SPIDR: variants seen among roughly 807,000 people sequenced by gnomAD.
SPIDR encodes the protein scaffold protein involved in DNA repair, also known as DNA repair-scaffolding protein.
A neutral mutation model predicts 104.6 loss-of-function variants in SPIDR; 93 were observed. That is an observed-to-expected ratio of 0.89 (90% confidence interval 0.75 to 1.06). SPIDR has a LOEUF of 1.06. Among genes scored for constraint, SPIDR ranks in the 50% least tolerant of loss-of-function variants. The pLI is 0.00. For synonymous variants in SPIDR, 431 were observed against 416.9 expected (o/e 1.03, Z -0.41); for missense variants, 1,154 against 1,111.2 (o/e 1.04, Z -0.55).
Position 47,627,269 on chromosome 8 carries a change from A to G in SPIDR, c.1544+28073A>G, listed in dbSNP as rs201324103. Among the ~76,000 whole-genome samples, 38 of 152,318 alleles carry G rather than the reference A, an allele frequency of 2.5e-4. No homozygotes were observed. In the East Asian group the frequency reaches 5.4e-3, roughly 22 times the overall value. Reference sequence around the variant, plus strand: ...GGCGGGAGCGGGGAGGGATAGCATTAGGAGATATACCTAATGCTAAATGAC... The same window carrying G: ...GGCGGGAGCGGGGAGGGATAGCATTGGGAGATATACCTAATGCTAAATGAC... On this transcript the variant is annotated intron_variant, in intron 10 of 19. Coordinates refer to ENST00000297423, the MANE Select transcript of SPIDR (RefSeq NM_001080394.4).
chr8:47,473,815 G>C (rs533332711), intron 8 of SPIDR, among the ~76,000 whole-genome samples: 25 of 152,314 alleles, frequency 1.6e-4, no homozygotes, highest in African/African-American at 5.5e-4. Flanking sequence ...TGAGGAACCA[G>C]GAGGAGGATG....
chr8:47,267,423 T>G (rs2034331627), intron 1 of SPIDR, among the ~76,000 whole-genome samples: 1 of 152,268 alleles, frequency 6.6e-6, no homozygotes, highest in African/African-American at 2.4e-5. Context: ...GTTTACATTT[T>G]GGATAACTGT....
In SPIDR at chr8:47,400,717, C is replaced by T. The variant is rs190838215; in HGVS notation, c.776+4091C>T. On this transcript the variant is annotated intron_variant, in intron 6 of 19. Transcript: ENST00000297423. ...TTTAAATTTGTGGAACTATTCAAAGCATAAGTAACAAACACCAATGCAAAA... is the reference window on the plus strand; with the variant it reads ...TTTAAATTTGTGGAACTATTCAAAGTATAAGTAACAAACACCAATGCAAAA... 2.7e-5 allele frequency among the ~76,000 whole-genome samples: 4 copies of T among 147,426 alleles called. No homozygotes were observed. In the East Asian group the frequency reaches 6.0e-4, roughly 22 times the overall value.
intron 10 of SPIDR, among the ~76,000 whole-genome samples, chr8:47,602,006 C>T (rs1660675684): frequency 6.6e-6 from 1 of 152,216 alleles, no homozygotes; most frequent in African/African-American, 2.4e-5. Context: ...ACTTTATTCA[C>T]TACTAATTCT....
intron 5 of SPIDR, among the ~76,000 whole-genome samples, chr8:47,337,102 A>G (rs541778959): frequency 1.5e-4 from 23 of 152,010 alleles, no homozygotes; most frequent in Middle Eastern, 3.4e-3. Flanking sequence ...CCATTTTTCA[A>G]TTGGCTTGTG....
intron 8 of SPIDR, among the ~76,000 whole-genome samples, chr8:47,452,740 C>T (rs1396501866): frequency 6.6e-6 from 1 of 152,078 alleles, no homozygotes; most frequent in Admixed American, 6.5e-5. Flanking sequence ...TTATGACAGA[C>T]CCACAGCCAA....
chr8:47,388,866 T>C (rs1013272666), intron 5 of SPIDR, among the ~76,000 whole-genome samples: 2 of 152,228 alleles, frequency 1.3e-5, no homozygotes, highest in Admixed American at 6.5e-5. Context: ...CTTTATGGTT[T>C]TGAGAAATTG....
chr8:47,279,858 A>T lies in SPIDR; in HGVS notation c.34-4A>T. The T allele has an allele frequency of 1.3e-6, 2 of 1,599,780 alleles. No homozygotes were observed. Among genetic ancestry groups the T allele is most frequent in the Non-Finnish European group, 1.7e-6 (2 of 1,172,728 alleles). On this transcript the variant is annotated splice_region_variant and splice_polypyrimidine_tract_variant and intron_variant, in intron 1 of 19. Transcript: ENST00000297423. ...GATTTTTCTTTTAAAAATCATCTCC[A>T]CAGAGAAAAAGGAGTTGGAATACAG... is the stretch of plus-strand genomic sequence containing the variant.
intron 8 of SPIDR, chr8:47,511,494 C>G (rs561275706): frequency 1.5e-5 from 12 of 778,534 alleles, no homozygotes; most frequent in Admixed American, 6.8e-5. Flanking sequence ...CTGCTGGCAC[C>G]TCCCTTCTGT....
At chr8:47,404,955 A>G (rs959365855) in intron 6 of SPIDR, among the ~76,000 whole-genome samples, 5 of 152,192 alleles carry the variant, frequency 3.3e-5, no homozygotes, top group East Asian at 3.8e-4. Context: ...AACCAGCCCA[A>G]ATGTCCTTCA....
In SPIDR at chr8:47,278,522, C is replaced by T. The variant is rs1050423984; in HGVS notation, c.34-1340C>T. Among the ~76,000 whole-genome samples, 4 of 152,018 alleles carry T rather than the reference C, an allele frequency of 2.6e-5. 1 individual carries two copies. Among genetic ancestry groups the T allele is most frequent in the South Asian group, 4.2e-4 (2 of 4,810 alleles). On this transcript the variant is annotated intron_variant, in intron 1 of 19. Coordinates refer to ENST00000297423, the MANE Select transcript of SPIDR (RefSeq NM_001080394.4). ...AATTTGTAGACATGGGGTCTCACGA[C>T]GTTGCCTAGGCTGCTGACTAATTTT...
intron 10 of SPIDR, among the ~76,000 whole-genome samples, chr8:47,617,136 C>T (rs1363420691): frequency 6.6e-6 from 1 of 152,130 alleles, no homozygotes; most frequent in Non-Finnish European, 1.5e-5. Context: ...ATACTATCAA[C>T]ATGATGTATC....
chr8:47,730,713 C>A (rs1056357979), intron 19 of SPIDR, among the ~76,000 whole-genome samples: 1 of 152,186 alleles, frequency 6.6e-6, no homozygotes, highest in Non-Finnish European at 1.5e-5. Context: ...TCCCAAGTAT[C>A]CAACCCACAT....
chr8:47,615,173 C>T (rs777491837), intron 10 of SPIDR, among the ~76,000 whole-genome samples: 2 of 151,780 alleles, frequency 1.3e-5, no homozygotes, highest in African/African-American at 2.4e-5. Flanking sequence ...TGGACTCAGG[C>T]GAGCTTCTCA....
chr8:47,522,732 A>C (rs1011922206), intron 8 of SPIDR, among the ~76,000 whole-genome samples: 23 of 152,254 alleles, frequency 1.5e-4, no homozygotes, highest in African/African-American at 2.4e-5. Flanking sequence ...CATGGTTTTT[A>C]AAGCTATCTT....
chr8:47,307,533 GT>G (rs71225675), intron 5 of SPIDR, among the ~76,000 whole-genome samples: 4,348 of 72,138 alleles, frequency 0.06, 22 homozygotes, highest in African/African-American at 0.13. Context: ...TTCTCATTTC[GT>G]TTTTTTTTTT....
chr8:47,674,086 T>A, intron 11 of SPIDR, 145 bp downstream of exon 11: 214 of 806,894 alleles, frequency 2.7e-4, no homozygotes, highest in Middle Eastern at 5.5e-4. Context: ...AGGAGTTGAG[T>A]GGAATCTATA....
intron 8 of SPIDR, among the ~76,000 whole-genome samples, chr8:47,479,663 G>T (rs2076675381): frequency 6.6e-6 from 1 of 152,184 alleles, no homozygotes; most frequent in South Asian, 2.1e-4. Context: ...GCTGGGGAGT[G>T]GCCTGAAGCC....
At position 47,279,976 on chromosome 8, in the gene SPIDR, C is replaced by T; in HGVS notation, c.148C>T (p.Leu50Phe). The change falls in exon 2 of 20, where the codon CTC becomes TTC. Residue 50 changes from leucine to phenylalanine, a missense_variant. Transcript: ENST00000297423. The part of the protein sequence containing the change: ...GAAASLSEAW[L>F]RCGEGFQNTS... ...AGCTGCCTCTCTCTCTGAAGCATGG[C>T]TCAGGTGTGGAGAAGGGTTTCAGAA... is the stretch of plus-strand genomic sequence containing the variant. 1 of 1,614,172 alleles carries T rather than the reference C, an allele frequency of 6.2e-7. No individual in the cohort carries two copies. The highest frequency in any genetic ancestry group is 1.1e-5 in the South Asian group (1 of 91,082).
Sources: gnomAD v4.1 joint callset for allele counts (sites outside exome capture counted in the v4.1 genomes callset) on GRCh38, gnomAD v4.1.1 for gene constraint, MANE v1.5 for transcripts, NCBI Gene and HGNC (gene_info 2026-07-23, HGNC 2026-07-21) for gene names.